The following SAMD12 variants were observed in gnomAD, a reference collection of about 807,000 sequenced individuals.
The protein encoded by SAMD12 is sterile alpha motif domain-containing protein 12.
In SAMD12, 9 loss-of-function variants were observed where a neutral mutation model predicts 15.0. That is an observed-to-expected ratio of 0.60 (90% CI 0.36 to 1.05). The LOEUF (loss-of-function observed/expected upper bound fraction) is 1.05. Ranked by LOEUF, SAMD12 falls within the 50% of genes least tolerant of loss-of-function variation. The pLI, the probability that SAMD12 is intolerant of heterozygous loss-of-function variation, is 0.01. For missense variants in SAMD12, 230 were observed against 234.2 expected (o/e 0.98, Z 0.12); for synonymous variants, 86 against 90.1 (o/e 0.96, Z 0.25).
chr8:118,548,960 C>A (rs1826228325), intron 2 of SAMD12, among the ~76,000 whole-genome samples: 1 of 152,258 alleles, frequency 6.6e-6, no homozygotes, highest in Admixed American at 6.5e-5. Context: ...TGCAAGGCGG[C>A]AGCCAGGCTG....
chr8:118,517,280 G>A (rs1825270225), intron 2 of SAMD12, among the ~76,000 whole-genome samples: 1 of 152,172 alleles, frequency 6.6e-6, no homozygotes, highest in Non-Finnish European at 1.5e-5. Context: ...TTACATCAGT[G>A]CTCTGGGGTC....
At chr8:118,503,579 T>A (rs1199934582) in intron 2 of SAMD12, among the ~76,000 whole-genome samples, 1 of 152,226 alleles carries the variant, frequency 6.6e-6, no homozygotes, top group East Asian at 1.9e-4. Flanking sequence ...GCCACTTGTT[T>A]CAGGATTACG....
intron 2 of SAMD12, among the ~76,000 whole-genome samples, chr8:118,463,096 G>A (rs1450440619): frequency 2.8e-5 from 2 of 70,540 alleles, no homozygotes; most frequent in South Asian, 6.1e-4. Flanking sequence ...GCGAAACTCC[G>A]TCTCAAAAAA....
At chr8:118,579,595 C>CA (rs1289174321) in intron 2 of SAMD12, among the ~76,000 whole-genome samples, 1 of 151,984 alleles carries the variant, frequency 6.6e-6, no homozygotes, top group African/African-American at 2.4e-5. Context: ...GTACATAAAG[C>CA]AAAAAATTCA....
intron 4 of SAMD12, among the ~76,000 whole-genome samples, chr8:118,292,369 C>CACACACACACACACACACACACAT (rs1445415610): frequency 6.6e-6 from 1 of 151,516 alleles, no homozygotes; most frequent in Non-Finnish European, 1.5e-5. Flanking sequence ...CACACACACA[C>CACACACACACACACACACACACAT]ACACACATAT....
intron 4 of SAMD12, among the ~76,000 whole-genome samples, chr8:118,321,586 C>T (rs921545109): frequency 2.6e-5 from 4 of 151,760 alleles, no homozygotes; most frequent in Admixed American, 6.6e-5. Flanking sequence ...TGCACTCTAG[C>T]ATGGGCAACA....
chr8:118,223,343 A>T (rs1812121122), intron 4 of SAMD12, among the ~76,000 whole-genome samples: 1 of 152,194 alleles, frequency 6.6e-6, no homozygotes, highest in African/African-American at 2.4e-5. Flanking sequence ...TCAAAGTCAC[A>T]CTAAGTCACT....
intron 2 of SAMD12, among the ~76,000 whole-genome samples, chr8:118,520,212 T>G (rs1825351521): frequency 6.6e-6 from 1 of 151,502 alleles, no homozygotes; most frequent in Non-Finnish European, 1.5e-5. Flanking sequence ...CAGTACCTGC[T>G]TTTAGTAAAG....
chr8:118,214,154 C>T (rs111733751), intron 4 of SAMD12, among the ~76,000 whole-genome samples: 70 of 152,276 alleles, frequency 4.6e-4, no homozygotes, highest in African/African-American at 1.6e-3. Context: ...TGATTGATCT[C>T]AGTCATAGGT....
intron 4 of SAMD12, among the ~76,000 whole-genome samples, chr8:118,364,496 A>T (rs1420737947): frequency 6.6e-6 from 1 of 152,156 alleles, no homozygotes; most frequent in Admixed American, 6.5e-5. Context: ...CCTTAAGGCC[A>T]AAAGGAGTTT....
chr8:118,274,818 C>T lies in SAMD12; in HGVS notation c.434-77086G>A, dbSNP rs578093721. Among the ~76,000 whole-genome samples the T allele has an allele frequency of 4.0e-4, 61 of 152,140 alleles. No individual in the cohort carries two copies. In the Middle Eastern group the frequency reaches 0.01, roughly 26 times the overall value. ...TTTGCTTTCCTCCTATATAGGAGGCCATTTTATAAAGACATCACAATTGAT... is the reference window on the plus strand; with the variant it reads ...TTTGCTTTCCTCCTATATAGGAGGCTATTTTATAAAGACATCACAATTGAT... On this transcript the variant is annotated intron_variant, in intron 4 of 4. Coordinates refer to the SAMD12 transcript ENST00000409003.
chr8:118,584,960 C>T (rs190083186), intron 1 of SAMD12, among the ~76,000 whole-genome samples: 10 of 143,710 alleles, frequency 7.0e-5, no homozygotes, highest in Admixed American at 6.1e-4. Context: ...CACACAAACA[C>T]ACACACACAA....
At chr8:118,260,453 G>A (rs1224048651) in intron 4 of SAMD12, among the ~76,000 whole-genome samples, 1 of 152,044 alleles carries the variant, frequency 6.6e-6, no homozygotes, top group African/African-American at 2.4e-5. Context: ...GTATCTGCTT[G>A]TGTGTCAGTC....
chr8:118,339,293 G>A (rs142986242), intron 4 of SAMD12, among the ~76,000 whole-genome samples: 52 of 152,192 alleles, frequency 3.4e-4, no homozygotes, highest in Non-Finnish European at 6.8e-4. Flanking sequence ...TTGTGCCACT[G>A]CACTCCAGCC....
chr8:118,399,764 C>A (rs1023542299), intron 3 of SAMD12, among the ~76,000 whole-genome samples: 11 of 152,162 alleles, frequency 7.2e-5, no homozygotes, highest in African/African-American at 2.2e-4. Context: ...CATGGGGAAC[C>A]AAAGCACTGG....
intron 1 of SAMD12, among the ~76,000 whole-genome samples, chr8:118,589,765 G>A (rs1827534623): frequency 6.6e-6 from 1 of 152,142 alleles, no homozygotes; most frequent in Non-Finnish European, 1.5e-5. Flanking sequence ...GTGAATCCAT[G>A]ACCAATCATC....
In SAMD12 at chr8:118,551,281, G is replaced by A. The variant is rs187691160; in HGVS notation, c.192+29434C>T. Among the ~76,000 whole-genome samples, 586 of 150,790 alleles carry A rather than the reference G, an allele frequency of 3.9e-3. 5 individuals carry two copies. The highest frequency in any genetic ancestry group is 0.014 in the African/African-American group (562 of 40,308). On this transcript the variant is annotated intron_variant, in intron 2 of 3. Transcript: ENST00000314727. ...AACTGAACACATAGTTGGAAGTAAA[G>A]CTCTCCTCAGCAAATGTAAAAGAAC... is the stretch of plus-strand genomic sequence containing the variant.
chr8:118,613,254 G>A (rs1319842896), intron 1 of SAMD12, among the ~76,000 whole-genome samples: 1 of 152,146 alleles, frequency 6.6e-6, no homozygotes, highest in Non-Finnish European at 1.5e-5. Flanking sequence ...AATCATGAAA[G>A]AGTGAGAAAG....
At chr8:118,170,587 GT>G in the SAMD12 span, among the ~76,000 whole-genome samples, 1 of 152,166 alleles carries the variant, frequency 6.6e-6, no homozygotes, top group Non-Finnish European at 1.5e-5. Context: ...GGGAAAAGGA[GT>G]CTTTTCAACA....
Sources: gnomAD v4.1 joint callset for allele counts (sites outside exome capture counted in the v4.1 genomes callset) on GRCh38, gnomAD v4.1.1 for gene constraint, MANE v1.5 for transcripts, NCBI Gene and HGNC (gene_info 2026-07-23, HGNC 2026-07-21) for gene names.